PDE7B: variants seen among roughly 807,000 people sequenced by gnomAD.
The protein encoded by PDE7B is phosphodiesterase 7B, also known as 3',5'-cyclic-AMP phosphodiesterase 7B.
In PDE7B, 29 loss-of-function variants were observed where a neutral mutation model predicts 56.2. The ratio of observed to expected loss-of-function variants is 0.52; its 90% CI spans 0.38 to 0.70. The LOEUF (loss-of-function observed/expected upper bound fraction) is 0.70, where lower values mean the gene tolerates loss of function less well. Among genes scored for constraint, PDE7B ranks in the 30% least tolerant of loss-of-function variants. The pLI is 0.00. For missense variants in PDE7B, 490 were observed against 565.0 expected (o/e 0.87, Z 1.35); for synonymous variants, 197 against 196.9 (o/e 1.00, Z 0.00).
chr6:135,993,417 T>C (rs370221848), intron 2 of PDE7B, among the ~76,000 whole-genome samples: 2 of 152,228 alleles, frequency 1.3e-5, no homozygotes, highest in East Asian at 1.9e-4. Flanking sequence ...CATGCAGTGA[T>C]TCTAGCATCA....
chr6:136,147,225 A>G (rs569743993), intron 3 of PDE7B, 126 bp from the exon 4 acceptor site: 39 of 593,824 alleles, frequency 6.6e-5, no homozygotes, highest in African/African-American at 5.4e-4. Flanking sequence ...TCAATAGACC[A>G]TATTTTTAAA....
At chr6:136,027,591 T>G (rs1336249579) in intron 2 of PDE7B, among the ~76,000 whole-genome samples, 2 of 152,150 alleles carry the variant, frequency 1.3e-5, no homozygotes, top group African/African-American at 4.8e-5. Context: ...AAAAAAAGAA[T>G]GAAAAAAATT....
At chr6:135,958,039 C>A (rs2128200977) in intron 2 of PDE7B, among the ~76,000 whole-genome samples, 1 of 152,238 alleles carries the variant, frequency 6.6e-6, no homozygotes, top group South Asian at 2.1e-4. Flanking sequence ...CAAGACCAGC[C>A]TGGCCAACAT....
chr6:136,020,326 G>A (rs1403846349), intron 2 of PDE7B, among the ~76,000 whole-genome samples: 1 of 151,934 alleles, frequency 6.6e-6, no homozygotes, highest in Non-Finnish European at 1.5e-5. Flanking sequence ...GACTTTTTTG[G>A]CAATCTGCAT....
At chr6:136,061,617 C>G (rs1019019203) in intron 2 of PDE7B, among the ~76,000 whole-genome samples, 2 of 152,124 alleles carry the variant, frequency 1.3e-5, no homozygotes, top group African/African-American at 4.8e-5. Flanking sequence ...TACTTAGTAC[C>G]CTGCAGAGGT....
chr6:136,148,790 G>A (rs1238163764), intron 4 of PDE7B, among the ~76,000 whole-genome samples: 1 of 152,148 alleles, frequency 6.6e-6, no homozygotes, highest in African/African-American at 2.4e-5. Context: ...AGCTATCACA[G>A]GCCAAGTCCT....
intron 6 of PDE7B, among the ~76,000 whole-genome samples, chr6:136,151,785 A>C (rs1778522281): frequency 6.6e-6 from 1 of 152,082 alleles, no homozygotes; most frequent in Non-Finnish European, 1.5e-5. Flanking sequence ...AATACAAAAA[A>C]AAAATTAGCC....
At chr6:135,926,972 TTAAA>T (rs1774203764) in intron 1 of PDE7B, among the ~76,000 whole-genome samples, 1 of 152,210 alleles carries the variant, frequency 6.6e-6, no homozygotes, top group Non-Finnish European at 1.5e-5. Context: ...CATGTTCTTA[TTAAA>T]TATTCTTAGG....
intron 2 of PDE7B, chr6:136,064,237 C>A (rs886948731): frequency 6.6e-6 from 1 of 152,058 alleles, no homozygotes; most frequent in Admixed American, 6.5e-5. Context: ...ACAAACAGGC[C>A]AAACAAATGC....
intron 2 of PDE7B, among the ~76,000 whole-genome samples, chr6:136,063,398 C>T (rs149998388): frequency 3.3e-5 from 5 of 152,290 alleles, no homozygotes; most frequent in Non-Finnish European, 5.9e-5. Flanking sequence ...ATCAAAGGAA[C>T]TATGTATACT....
chr6:136,152,275 C>A (rs1778533593), intron 6 of PDE7B, among the ~76,000 whole-genome samples: 1 of 152,204 alleles, frequency 6.6e-6, no homozygotes, highest in Non-Finnish European at 1.5e-5. Flanking sequence ...CCTCCAGCAG[C>A]ATGCGCCTCA....
At chr6:136,175,251 A>T (rs998773704) in intron 9 of PDE7B, among the ~76,000 whole-genome samples, 1 of 152,262 alleles carries the variant, frequency 6.6e-6, no homozygotes, top group Non-Finnish European at 1.5e-5. Flanking sequence ...ATATATGTGA[A>T]AACTTTATTA....
At chr6:135,961,373 A>G (rs578137312) in intron 2 of PDE7B, among the ~76,000 whole-genome samples, 2 of 150,398 alleles carry the variant, frequency 1.3e-5, no homozygotes, top group Non-Finnish European at 1.5e-5. Flanking sequence ...TTATCCTCCT[A>G]CCAGCTGTGT....
chr6:135,943,168 G>C (rs1278305879), intron 1 of PDE7B, among the ~76,000 whole-genome samples: 3 of 152,078 alleles, frequency 2.0e-5, no homozygotes, highest in Admixed American at 2.0e-4. Flanking sequence ...TTTTATTTTT[G>C]TTTTACAATC....
chr6:136,178,653 A>T (rs1407314352), intron 9 of PDE7B, among the ~76,000 whole-genome samples: 1 of 152,116 alleles, frequency 6.6e-6, no homozygotes, highest in Non-Finnish European at 1.5e-5. Flanking sequence ...CTCTAAAAAC[A>T]CACCGCCAAT....
chr6:136,010,784 A>G (rs978739387), intron 2 of PDE7B, among the ~76,000 whole-genome samples: 9 of 152,120 alleles, frequency 5.9e-5, no homozygotes, highest in African/African-American at 1.9e-4. Flanking sequence ...GAGCCAAACC[A>G]TATCAGAGGT....
intron 1 of PDE7B, among the ~76,000 whole-genome samples, chr6:135,913,491 C>T (rs750424242): frequency 6.6e-6 from 1 of 152,144 alleles, no homozygotes; most frequent in Non-Finnish European, 1.5e-5. Flanking sequence ...TAGTGCATAA[C>T]ACCTATGCCT....
At chr6:136,181,968 C>T (rs1779074531) in intron 11 of PDE7B, among the ~76,000 whole-genome samples, 1 of 152,110 alleles carries the variant, frequency 6.6e-6, no homozygotes, top group Admixed American at 6.5e-5. Flanking sequence ...GGGGTATCAA[C>T]CTTTAAATAC....
intron 11 of PDE7B, among the ~76,000 whole-genome samples, chr6:136,183,416 AC>A (rs1161382989): frequency 6.6e-6 from 1 of 151,194 alleles, no homozygotes; most frequent in Non-Finnish European, 1.5e-5. Flanking sequence ...ACACGGTGAA[AC>A]CCCGTCTCTA....
Sources: gnomAD v4.1 joint callset for allele counts (sites outside exome capture counted in the v4.1 genomes callset) on GRCh38, gnomAD v4.1.1 for gene constraint, MANE v1.5 for transcripts, NCBI Gene and HGNC (gene_info 2026-07-23, HGNC 2026-07-21) for gene names.